TBC1D2B: variants seen among roughly 807,000 people sequenced by gnomAD.
TBC1D2B encodes the protein TBC1 domain family member 2B.
TBC1D2B carries 64 observed loss-of-function variants against 100.8 expected under a neutral mutation model. That is an observed-to-expected ratio of 0.64 (90% CI 0.52 to 0.78). The LOEUF (loss-of-function observed/expected upper bound fraction) is 0.78, where lower values mean the gene tolerates loss of function less well. Ranked by LOEUF, TBC1D2B falls within the 30% of genes least tolerant of loss-of-function variation. The pLI, the probability that TBC1D2B is intolerant of heterozygous loss-of-function variation, is 0.00. For synonymous variants in TBC1D2B, 480 were observed against 479.7 expected (o/e 1.00, Z -0.01); for missense variants, 1,052 against 1,218.4 (o/e 0.86, Z 2.03).
chr15:78,077,470 G>C lies in TBC1D2B; in HGVS notation c.183C>G (p.Asp61Glu), dbSNP rs1417737220. 6.5e-7 allele frequency: 1 copy of C among 1,537,386 alleles called. No individual in the cohort carries two copies. ...AATAGTAAAGGTAGCAGCGGCGCGC[G>C]TCGAACACGAACCAGCGGCTGCGGT... ...RGYRSRWFVF[D>E]ARRCYLYYFK... The change falls in exon 1 of 13, where the codon GAC (aspartate) becomes GAG (glutamate). Residue 61 changes from aspartate (D) to glutamate (E), a missense_variant. Transcript: ENST00000300584.
chr15:78,077,582 G>C lies in TBC1D2B; in HGVS notation c.71C>G (p.Ala24Gly), dbSNP rs1444135412. The C allele has an allele frequency of 3.7e-6, 5 of 1,339,814 alleles. No homozygotes were observed. The African/African-American group carries it at 7.7e-5, about 21-fold the overall frequency. 83.0% of individuals were successfully genotyped at this position (1,339,814 alleles called of 1,614,324 possible). ...CCGCGCCGGACCCGCCCCGGGCTCCGCGGCCGCCCCCTGCGCCGCGCCCTC... is the reference window on the plus strand; with the variant it reads ...CCGCGCCGGACCCGCCCCGGGCTCCCCGGCCGCCCCCTGCGCCGCGCCCTC... Reference protein sequence around the residue: ...GGEGAAQGAAAEPGAGPAREP... With the variant: ...GGEGAAQGAAGEPGAGPAREP... The change falls in exon 1 of 13, where the codon GCG becomes GGG. Residue 24 changes from alanine to glycine, a missense_variant. Ala to Gly is a moderately conservative substitution (Grantham distance 60, BLOSUM62 0). Transcript: ENST00000300584.
intron 2 of TBC1D2B, among the ~76,000 whole-genome samples, chr15:78,048,782 T>A (rs1169239823): frequency 6.6e-6 from 1 of 152,238 alleles, no homozygotes; most frequent in African/African-American, 2.4e-5. Flanking sequence ...GGCTCCTGCC[T>A]ACAACCGGAC....
intron 9 of TBC1D2B, among the ~76,000 whole-genome samples, chr15:78,009,317 T>C (rs1448642415): frequency 2.0e-5 from 3 of 152,050 alleles, no homozygotes; most frequent in East Asian, 3.9e-4. Context: ...GGAAGATCAC[T>C]TGAGGCTAGG....
At chr15:78,003,788 G>A (rs1415694253) in intron 10 of TBC1D2B, among the ~76,000 whole-genome samples, 1 of 152,186 alleles carries the variant, frequency 6.6e-6, no homozygotes. Flanking sequence ...CTGGGAAATA[G>A]GCCACTGCAA....
intron 2 of TBC1D2B, among the ~76,000 whole-genome samples, chr15:78,049,047 T>C (rs2073258004): frequency 1.3e-5 from 2 of 152,200 alleles, no homozygotes; most frequent in Admixed American, 6.5e-5. Context: ...GGGTTTAATC[T>C]GAAAAAAATT....
At chr15:78,023,202 C>A (rs1396314312) in intron 6 of TBC1D2B, among the ~76,000 whole-genome samples, 1 of 152,168 alleles carries the variant, frequency 6.6e-6, no homozygotes, top group African/African-American at 2.4e-5. Flanking sequence ...GAGCCAAACA[C>A]CCTCGGAGAC....
intron 12 of TBC1D2B, among the ~76,000 whole-genome samples, chr15:78,001,042 C>A (rs2071898773): frequency 6.6e-6 from 1 of 152,242 alleles, no homozygotes; most frequent in Non-Finnish European, 1.5e-5. Context: ...ACCCTGACAG[C>A]CCAGCTCTGC....
chr15:78,039,652 G>A (rs1439488345), intron 3 of TBC1D2B, among the ~76,000 whole-genome samples: 1 of 152,062 alleles, frequency 6.6e-6, no homozygotes, highest in East Asian at 1.9e-4. Flanking sequence ...CCTGGGTTGT[G>A]TAGCCACCAT....
chr15:78,010,802 G>A (rs1454579284), intron 9 of TBC1D2B, among the ~76,000 whole-genome samples: 1 of 152,160 alleles, frequency 6.6e-6, no homozygotes, highest in African/African-American at 2.4e-5. Context: ...CCATGAACAT[G>A]TACCAAATAC....
At chr15:78,001,568 G>A (rs2071913710) in intron 12 of TBC1D2B, 51 bp downstream of exon 12, 3 of 1,560,572 alleles carry the variant, frequency 1.9e-6, no homozygotes, top group African/African-American at 2.7e-5. Flanking sequence ...CAAGGAGGCA[G>A]GGGTCAGGCT....
At chr15:78,024,776 T>C (rs911019820) in intron 5 of TBC1D2B, among the ~76,000 whole-genome samples, 1 of 152,182 alleles carries the variant, frequency 6.6e-6, no homozygotes, top group East Asian at 1.9e-4. Context: ...ATAATGGACA[T>C]GTCCACTATA....
At chr15:78,023,186 C>T (rs1256784162) in intron 6 of TBC1D2B, among the ~76,000 whole-genome samples, 1 of 152,198 alleles carries the variant, frequency 6.6e-6, no homozygotes, top group Non-Finnish European at 1.5e-5. Context: ...GGACAAGCTC[C>T]ATCCAGAGCC....
intron 6 of TBC1D2B, among the ~76,000 whole-genome samples, chr15:78,019,864 G>A (rs2072471062): frequency 6.6e-6 from 1 of 151,214 alleles, no homozygotes; most frequent in African/African-American, 2.4e-5. Flanking sequence ...ACTCCAAACT[G>A]GGTGAAATAG....
chr15:78,049,160 G>A (rs1335863467), intron 2 of TBC1D2B, among the ~76,000 whole-genome samples: 1 of 152,154 alleles, frequency 6.6e-6, no homozygotes, highest in Non-Finnish European at 1.5e-5. Context: ...CTAAGTACCA[G>A]AAAAAAGGGG....
At chr15:78,068,684 A>G (rs2073700160) in intron 1 of TBC1D2B, among the ~76,000 whole-genome samples, 1 of 152,120 alleles carries the variant, frequency 6.6e-6, no homozygotes, top group Non-Finnish European at 1.5e-5. Flanking sequence ...CTCCCCAGGG[A>G]TCCTCTCAGC....
At chr15:78,052,712 C>T (rs2073339692) in intron 2 of TBC1D2B, among the ~76,000 whole-genome samples, 1 of 152,210 alleles carries the variant, frequency 6.6e-6, no homozygotes, top group Non-Finnish European at 1.5e-5. Context: ...AAATCAAGCA[C>T]CTCCTGTGCC....
At chr15:78,005,457 G>T (rs1018273434) in intron 10 of TBC1D2B, among the ~76,000 whole-genome samples, 1 of 152,206 alleles carries the variant, frequency 6.6e-6, no homozygotes, top group African/African-American at 2.4e-5. Flanking sequence ...AGTGCTCAGG[G>T]TTGACAGCAC....
intron 1 of TBC1D2B, among the ~76,000 whole-genome samples, chr15:78,077,041 C>CA (rs1227724336): frequency 6.6e-6 from 1 of 152,200 alleles, no homozygotes; most frequent in Admixed American, 6.5e-5. Flanking sequence ...AGGTTAGGCG[C>CA]AGAGGGAGAT....
chr15:77,999,593 G>A (rs567877391), intron 12 of TBC1D2B, among the ~76,000 whole-genome samples: 1 of 152,296 alleles, frequency 6.6e-6, no homozygotes, highest in Admixed American at 6.5e-5. Flanking sequence ...CCAGCAGGCG[G>A]GAGGAGGCTC....
Sources: allele counts gnomAD v4.1 joint callset (sites outside exome capture counted in the v4.1 genomes callset), GRCh38; gene constraint gnomAD v4.1.1; transcripts MANE v1.5; gene names NCBI Gene and HGNC (gene_info 2026-07-23, HGNC 2026-07-21).